The following PTPN4 variants were observed in gnomAD, a reference collection of about 807,000 sequenced individuals.
PTPN4 encodes the protein protein tyrosine phosphatase non-receptor type 4, also known as tyrosine-protein phosphatase non-receptor type 4.
A neutral mutation model predicts 135.5 loss-of-function variants in PTPN4; 49 were observed. That is an observed-to-expected ratio of 0.36 (90% CI 0.29 to 0.46). PTPN4 has a LOEUF of 0.46. Ranked by LOEUF, PTPN4 falls within the 20% of genes least tolerant of loss-of-function variation. PTPN4 has a pLI of 1.00. For missense variants in PTPN4, 860 were observed against 1,101.0 expected (o/e 0.78, Z 3.10); for synonymous variants, 333 against 369.9 (o/e 0.90, Z 1.14).
At chr2:119,874,995 T>G (rs1574381974) in intron 3 of PTPN4, among the ~76,000 whole-genome samples, 1 of 152,182 alleles carries the variant, frequency 6.6e-6, no homozygotes, top group South Asian at 2.1e-4. Flanking sequence ...AGATTACTTT[T>G]GTATTTCTCT....
chr2:119,951,000 G>A (rs1679204528), intron 18 of PTPN4, among the ~76,000 whole-genome samples: 1 of 152,128 alleles, frequency 6.6e-6, no homozygotes, highest in African/African-American at 2.4e-5. Flanking sequence ...ATAGGATTTT[G>A]TATCCTGTAA....
At chr2:119,871,204 T>C (rs1480532019) in intron 3 of PTPN4, among the ~76,000 whole-genome samples, 1 of 149,748 alleles carries the variant, frequency 6.7e-6, no homozygotes, top group South Asian at 2.2e-4. Context: ...TCACACTACC[T>C]GTTTCTGGCA....
chr2:119,957,269 A>G (rs1679302371), intron 22 of PTPN4, among the ~76,000 whole-genome samples, 192 bp downstream of exon 22: 1 of 152,192 alleles, frequency 6.6e-6, no homozygotes, highest in Admixed American at 6.5e-5. Context: ...GTGGAATGGA[A>G]TAGTCCAGTT....
At chr2:119,878,907 C>CAA (rs1558752628) in intron 5 of PTPN4, among the ~76,000 whole-genome samples, 2 of 151,618 alleles carry the variant, frequency 1.3e-5, no homozygotes, top group Non-Finnish European at 2.9e-5. Flanking sequence ...TCCTGGCTAA[C>CAA]ACGGTGAAAC....
At chr2:119,763,876 A>G (rs547643271) in intron 1 of PTPN4, among the ~76,000 whole-genome samples, 1 of 152,294 alleles carries the variant, frequency 6.6e-6, no homozygotes, top group Non-Finnish European at 1.5e-5. Context: ...CTGACTGCTT[A>G]GAAAATCTGA....
chr2:119,831,598 C>T (rs1030246451), intron 2 of PTPN4, among the ~76,000 whole-genome samples: 2 of 152,128 alleles, frequency 1.3e-5, no homozygotes, highest in Non-Finnish European at 2.9e-5. Context: ...GCCCTTTGGT[C>T]ATTGTATAAT....
At chr2:119,880,993 C>T (rs1678063149) in intron 5 of PTPN4, among the ~76,000 whole-genome samples, 2 of 152,020 alleles carry the variant, frequency 1.3e-5, no homozygotes, top group African/African-American at 2.4e-5. Context: ...AATAAAAAAT[C>T]TTAAGATTTC....
At chr2:119,951,023 G>T (rs1390501501) in intron 18 of PTPN4, among the ~76,000 whole-genome samples, 1 of 152,124 alleles carries the variant, frequency 6.6e-6, no homozygotes, top group Non-Finnish European at 1.5e-5. Context: ...CAAAACATTA[G>T]AAACACTGAG....
At chr2:119,854,603 A>G (rs1024053733) in intron 2 of PTPN4, among the ~76,000 whole-genome samples, 2 of 152,168 alleles carry the variant, frequency 1.3e-5, no homozygotes, top group African/African-American at 4.8e-5. Context: ...TGGCCTGCCC[A>G]TGCATGGTTC....
intron 18 of PTPN4, among the ~76,000 whole-genome samples, chr2:119,948,463 T>G (rs756585099): frequency 6.6e-6 from 1 of 152,180 alleles, no homozygotes; most frequent in Non-Finnish European, 1.5e-5. Context: ...AAAGCAGTTG[T>G]ATATCTTTTG....
At chr2:119,801,210 A>G (rs1574341079) in intron 1 of PTPN4, among the ~76,000 whole-genome samples, 1 of 151,694 alleles carries the variant, frequency 6.6e-6, no homozygotes, top group Non-Finnish European at 1.5e-5. Flanking sequence ...GCCTTAGCCT[A>G]CTGAGTAGCT....
chr2:119,926,381 T>G (rs977282811), intron 12 of PTPN4, among the ~76,000 whole-genome samples: 3 of 152,122 alleles, frequency 2.0e-5, no homozygotes, highest in African/African-American at 7.2e-5. Context: ...ATGGAGGGAG[T>G]TGAACACATC....
intron 2 of PTPN4, among the ~76,000 whole-genome samples, chr2:119,835,240 A>C (rs934075385): frequency 1.3e-5 from 2 of 152,138 alleles, no homozygotes; most frequent in South Asian, 4.1e-4. Context: ...GCTGGAGTGC[A>C]GTGGCACAAT....
chr2:119,802,922 A>G (rs1558730602), intron 1 of PTPN4, among the ~76,000 whole-genome samples: 2 of 152,110 alleles, frequency 1.3e-5, no homozygotes, highest in African/African-American at 4.8e-5. Flanking sequence ...TCTGTTTCAT[A>G]TTGGCTGAAT....
At chr2:119,921,414 A>T (rs1678735273) in intron 12 of PTPN4, among the ~76,000 whole-genome samples, 1 of 152,242 alleles carries the variant, frequency 6.6e-6, no homozygotes, top group African/African-American at 2.4e-5. Flanking sequence ...CTAAACATGT[A>T]TAATTGCCTA....
At chr2:119,800,011 G>A (rs1188872867) in intron 1 of PTPN4, among the ~76,000 whole-genome samples, 4 of 152,114 alleles carry the variant, frequency 2.6e-5, no homozygotes, top group East Asian at 3.8e-4. Context: ...GAAAAAAATT[G>A]TGAGTCGATA....
chr2:119,831,935 A>G (rs114100243), intron 2 of PTPN4, among the ~76,000 whole-genome samples: 2 of 152,188 alleles, frequency 1.3e-5, no homozygotes, highest in Non-Finnish European at 2.9e-5. Flanking sequence ...TGACTACGTC[A>G]TAGTAAGTTC....
chr2:119,817,331 CTT>C (rs761567002), intron 2 of PTPN4, among the ~76,000 whole-genome samples: 7 of 138,632 alleles, frequency 5.0e-5, no homozygotes, highest in Non-Finnish European at 4.7e-5. Context: ...TTCCCCATTG[CTT>C]TTTTTTTTTT....
chr2:119,832,288 G>A (rs568669664), intron 2 of PTPN4, among the ~76,000 whole-genome samples: 6 of 151,964 alleles, frequency 3.9e-5, no homozygotes, highest in South Asian at 2.1e-4. Flanking sequence ...AAAAAGTTTC[G>A]AAAATAATTT....
Sources: allele counts gnomAD v4.1 joint callset (sites outside exome capture counted in the v4.1 genomes callset), GRCh38; gene constraint gnomAD v4.1.1; transcripts MANE v1.5; gene names NCBI Gene and HGNC (gene_info 2026-07-23, HGNC 2026-07-21).